Variants in STK33 observed in about 807,000 individuals in gnomAD.
STK33 encodes serine/threonine kinase 33, also known as serine/threonine-protein kinase 33.
Under a neutral mutation model 58.0 loss-of-function variants are expected in STK33, and 52 were observed. The observed-to-expected ratio is 0.90, with a 90% CI of 0.72 to 1.13. The LOEUF (loss-of-function observed/expected upper bound fraction) is 1.13. Among genes scored for constraint, STK33 ranks in the 50% most tolerant of loss-of-function variants. STK33 has a pLI of 0.00. For missense variants in STK33, 630 were observed against 604.2 expected (o/e 1.04, Z -0.45); for synonymous variants, 215 against 200.1 (o/e 1.07, Z -0.63).
chr11:8,423,438 T>C (rs1212463668), intron 14 of STK33, among the ~76,000 whole-genome samples: 3 of 152,144 alleles, frequency 2.0e-5, no homozygotes. Context: ...ATTTTCATTA[T>C]CACTCAGTTC....
intron 6 of STK33, chr11:8,467,021 A>G (rs1948265836): frequency 6.6e-6 from 1 of 152,190 alleles, no homozygotes; most frequent in Admixed American, 6.5e-5. Flanking sequence ...AAGTCTCTAG[A>G]CTGCACACAG....
intron 8 of STK33, among the ~76,000 whole-genome samples, chr11:8,458,367 T>A (rs1947126050): frequency 6.6e-6 from 1 of 151,634 alleles, no homozygotes; most frequent in Admixed American, 6.6e-5. Context: ...GAAATATTAC[T>A]CTTTTACATT....
intron 9 of STK33, among the ~76,000 whole-genome samples, chr11:8,455,141 G>A (rs1403655853): frequency 2.0e-5 from 3 of 152,128 alleles, no homozygotes; most frequent in African/African-American, 4.8e-5. Flanking sequence ...CCCAGGAGGA[G>A]GGAGATCATC....
chr11:8,346,474 C>T, the STK33 span, among the ~76,000 whole-genome samples: 1 of 152,172 alleles, frequency 6.6e-6, no homozygotes, highest in Non-Finnish European at 1.5e-5. Context: ...GTAAGAGGAA[C>T]AGTCAGGGTG....
intron 14 of STK33, among the ~76,000 whole-genome samples, chr11:8,418,479 A>G (rs775320465): frequency 5.3e-5 from 8 of 152,056 alleles, no homozygotes; most frequent in Non-Finnish European, 1.0e-4. Context: ...TCTTTATCCA[A>G]TCTGTCATTT....
intron 1 of STK33, among the ~76,000 whole-genome samples, chr11:8,555,869 A>T (rs1956712437): frequency 6.6e-6 from 1 of 152,124 alleles, no homozygotes; most frequent in Non-Finnish European, 1.5e-5. Flanking sequence ...TAAAAACAAG[A>T]AGGGAAAAGT....
intron 1 of STK33, among the ~76,000 whole-genome samples, chr11:8,558,336 C>A (rs535571886): frequency 6.7e-6 from 1 of 148,378 alleles, no homozygotes; most frequent in Admixed American, 6.6e-5. Context: ...AAAAATGGCA[C>A]AAACAAGGAC....
At chr11:8,569,998 G>A (rs1163500835) in intron 1 of STK33, among the ~76,000 whole-genome samples, 1 of 151,818 alleles carries the variant, frequency 6.6e-6, no homozygotes, top group African/African-American at 2.4e-5. Flanking sequence ...GGCAAGCCAC[G>A]GACTGGGAGA....
At chr11:8,561,754 G>C (rs941606545) in intron 1 of STK33, among the ~76,000 whole-genome samples, 2 of 152,100 alleles carry the variant, frequency 1.3e-5, no homozygotes, top group Non-Finnish European at 2.9e-5. Context: ...AAATAGTTTA[G>C]ATAAAAAGAA....
chr11:8,460,562 A>T (rs1744974123), intron 8 of STK33, among the ~76,000 whole-genome samples: 1 of 152,166 alleles, frequency 6.6e-6, no homozygotes, highest in South Asian at 2.1e-4. Flanking sequence ...GACAATATCA[A>T]GCAATCTAAC....
At chr11:8,507,063 C>G (rs1951915988) in intron 1 of STK33, among the ~76,000 whole-genome samples, 1 of 152,046 alleles carries the variant, frequency 6.6e-6, no homozygotes, top group Admixed American at 6.6e-5. Flanking sequence ...CACACAGCAT[C>G]AAAATATTAA....
At chr11:8,497,035 T>A (rs1197160024) in intron 1 of STK33, among the ~76,000 whole-genome samples, 1 of 152,208 alleles carries the variant, frequency 6.6e-6, no homozygotes, top group African/African-American at 2.4e-5. Flanking sequence ...TTGTATATTA[T>A]TGATACTCAT....
At chr11:8,354,616 T>A in the STK33 span, among the ~76,000 whole-genome samples, 5 of 151,646 alleles carry the variant, frequency 3.3e-5, no homozygotes, top group African/African-American at 1.2e-4. Context: ...CCAGAAACCA[T>A]CCAGGTACAC....
the STK33 span, among the ~76,000 whole-genome samples, chr11:8,336,262 C>T: frequency 0.015 from 2,281 of 152,364 alleles, 66 homozygotes; most frequent in African/African-American, 0.052. Context: ...AACGACAGCA[C>T]CTGTTCCGTG....
intron 14 of STK33, among the ~76,000 whole-genome samples, chr11:8,433,094 C>G (rs928261434): frequency 3.3e-5 from 5 of 152,162 alleles, no homozygotes; most frequent in African/African-American, 1.2e-4. Context: ...TACTACAAAC[C>G]TACTCAATAT....
At chr11:8,374,086 C>G in the STK33 span, among the ~76,000 whole-genome samples, 5 of 152,242 alleles carry the variant, frequency 3.3e-5, no homozygotes, top group African/African-American at 9.6e-5. Context: ...GCCCTTGCTG[C>G]CTCCAAATCC....
chr11:8,457,180 T>C (rs1463959983), intron 9 of STK33, among the ~76,000 whole-genome samples, 161 bp downstream of exon 9: 7 of 150,658 alleles, frequency 4.6e-5, no homozygotes, highest in Admixed American at 2.0e-4. Flanking sequence ...TTAAAACATA[T>C]CTAAAAAGAA....
At chr11:8,423,007 A>AT (rs1210532205) in intron 14 of STK33, among the ~76,000 whole-genome samples, 1 of 148,528 alleles carries the variant, frequency 6.7e-6, no homozygotes, top group Admixed American at 6.7e-5. Flanking sequence ...TGCCCGGCTG[A>AT]TTTTTTAAAT....
intron 1 of STK33, among the ~76,000 whole-genome samples, chr11:8,509,921 G>T (rs902946014): frequency 1.3e-5 from 2 of 152,144 alleles, no homozygotes; most frequent in African/African-American, 4.8e-5. Context: ...GGGCATTTAG[G>T]TTGGTTCCAT....
Sources: gnomAD v4.1 joint callset for allele counts (sites outside exome capture counted in the v4.1 genomes callset) on GRCh38, gnomAD v4.1.1 for gene constraint, MANE v1.5 for transcripts, NCBI Gene and HGNC (gene_info 2026-07-23, HGNC 2026-07-21) for gene names.